Variants in SDK1 observed in about 807,000 individuals in gnomAD.
SDK1 encodes the protein protein sidekick-1.
SDK1 carries 157 observed loss-of-function variants against 245.5 expected under a neutral mutation model. That is an observed-to-expected ratio of 0.64 (90% CI 0.56 to 0.73). The LOEUF (loss-of-function observed/expected upper bound fraction) is 0.73, where lower values mean the gene tolerates loss of function less well. SDK1 is among the 30% of genes least tolerant of loss of function. SDK1 has a pLI of 0.00. For synonymous variants in SDK1, 1,647 were observed against 1,278.5 expected (o/e 1.29, Z -6.15); for missense variants, 3,583 against 3,002.3 (o/e 1.19, Z -4.52).
At chr7:3,593,833 T>C (rs1188029449) in intron 1 of SDK1, among the ~76,000 whole-genome samples, 1 of 145,348 alleles carries the variant, frequency 6.9e-6, no homozygotes, top group East Asian at 1.9e-4. Context: ...CGCAGCTCTT[T>C]TCTCTTTCTG....
At chr7:3,630,562 G>A (rs1782259855) in intron 2 of SDK1, among the ~76,000 whole-genome samples, 1 of 152,158 alleles carries the variant, frequency 6.6e-6, no homozygotes. Flanking sequence ...CTTGAACCCA[G>A]GAGGCAGAGA....
chr7:3,983,071 T>G (rs1783542371), intron 13 of SDK1, among the ~76,000 whole-genome samples: 1 of 152,118 alleles, frequency 6.6e-6, no homozygotes, highest in African/African-American at 2.4e-5. Flanking sequence ...CTTGTCCAGA[T>G]GAGGATTTGC....
At chr7:3,466,978 CT>C (rs1474144380) in intron 1 of SDK1, among the ~76,000 whole-genome samples, 1 of 98,122 alleles carries the variant, frequency 1.0e-5, no homozygotes, top group African/African-American at 4.7e-5. Context: ...CTCTCTCTCT[CT>C]ACACACACAC....
At chr7:3,997,075 C>G (rs1310999420) in intron 14 of SDK1, among the ~76,000 whole-genome samples, 1 of 152,130 alleles carries the variant, frequency 6.6e-6, no homozygotes, top group African/African-American at 2.4e-5. Context: ...TCTTCCTGGC[C>G]CTTTCTAGTC....
chr7:3,536,287 C>T (rs1310805369), intron 1 of SDK1, among the ~76,000 whole-genome samples: 4 of 151,928 alleles, frequency 2.6e-5, no homozygotes, highest in South Asian at 4.2e-4. Flanking sequence ...AGGATGGTCT[C>T]GATCTCCTGA....
Position 3,535,586 on chromosome 7 carries a change from G to A in SDK1, c.299-83494G>A, listed in dbSNP as rs78533553. Among the ~76,000 whole-genome samples the A allele has an allele frequency of 0.023, 3,574 of 152,150 alleles. 338 individuals carry two copies. In the East Asian group the frequency reaches 0.27, roughly 12 times the overall value. On this transcript the variant is annotated intron_variant, in intron 1 of 44. Coordinates refer to ENST00000404826, the MANE Select transcript of SDK1 (RefSeq NM_152744.4). ...GAAAGTTTTCTCAGCTGTAAAGCGC[G>A]GGCCTTCTATAACATGGTCCCTTAG...
intron 35 of SDK1, among the ~76,000 whole-genome samples, chr7:4,183,698 C>T (rs968633915): frequency 6.6e-6 from 1 of 152,208 alleles, no homozygotes; most frequent in South Asian, 2.1e-4. Flanking sequence ...CAGGCTTCTC[C>T]CATACTCCTA....
At chr7:4,123,014 C>T (rs959869289) in intron 25 of SDK1, among the ~76,000 whole-genome samples, 7 of 152,190 alleles carry the variant, frequency 4.6e-5, no homozygotes, top group Admixed American at 1.3e-4. Context: ...CGTTGGTGTC[C>T]GAATTGCTGC....
chr7:3,824,990 G>C (rs962802216), intron 5 of SDK1, among the ~76,000 whole-genome samples: 5 of 152,106 alleles, frequency 3.3e-5, no homozygotes, highest in Admixed American at 3.3e-4. Flanking sequence ...CCGCTGCCCT[G>C]GTGAGAGCTT....
chr7:3,664,573 C>T (rs2012490), intron 4 of SDK1, among the ~76,000 whole-genome samples: 1 of 151,900 alleles, frequency 6.6e-6, no homozygotes, highest in Non-Finnish European at 1.5e-5. Flanking sequence ...ACCATGTCTT[C>T]TACTAAAAAT....
intron 5 of SDK1, among the ~76,000 whole-genome samples, chr7:3,920,827 C>A (rs1277791949): frequency 6.6e-6 from 1 of 152,158 alleles, no homozygotes. Flanking sequence ...AGTGACTGCT[C>A]GGAGGTTATT....
chr7:4,194,211 T>G (rs774000195), intron 35 of SDK1, among the ~76,000 whole-genome samples: 23 of 151,374 alleles, frequency 1.5e-4, no homozygotes, highest in South Asian at 2.1e-4. Context: ...GAGAGAGATA[T>G]ATATATGTAT....
At chr7:3,900,285 C>T (rs1781742399) in intron 5 of SDK1, among the ~76,000 whole-genome samples, 1 of 152,196 alleles carries the variant, frequency 6.6e-6, no homozygotes, top group South Asian at 2.1e-4. Context: ...AAATATTTAA[C>T]ACGCGTAATT....
At chr7:4,043,626 C>T (rs999534878) in intron 17 of SDK1, among the ~76,000 whole-genome samples, 1 of 152,234 alleles carries the variant, frequency 6.6e-6, no homozygotes, top group Non-Finnish European at 1.5e-5. Flanking sequence ...CTCCAGGATG[C>T]AGGACCAGAA....
chr7:3,396,185 C>A (rs1003257962), intron 1 of SDK1, among the ~76,000 whole-genome samples: 1 of 151,598 alleles, frequency 6.6e-6, no homozygotes, highest in African/African-American at 2.4e-5. Context: ...CTTGCTCATT[C>A]CCCCTTGTAA....
chr7:4,177,241 A>G (rs1163727254), intron 34 of SDK1, among the ~76,000 whole-genome samples: 1 of 152,140 alleles, frequency 6.6e-6, no homozygotes, highest in Admixed American at 6.5e-5. Context: ...CAGGAGGCAC[A>G]ATTTGCAGGC....
intron 1 of SDK1, among the ~76,000 whole-genome samples, chr7:3,544,757 C>A (rs750786062): frequency 3.3e-5 from 5 of 152,180 alleles, no homozygotes; most frequent in Non-Finnish European, 2.9e-5. Context: ...ACAGCACTTA[C>A]CAACCAAGAA....
intron 5 of SDK1, among the ~76,000 whole-genome samples, chr7:3,925,854 C>A (rs1263936852): frequency 6.6e-6 from 1 of 152,204 alleles, no homozygotes; most frequent in Non-Finnish European, 1.5e-5. Context: ...TGGCACTCCC[C>A]CTTTTCCCAT....
chr7:3,787,867 T>C (rs1780954560), intron 4 of SDK1, among the ~76,000 whole-genome samples: 1 of 152,216 alleles, frequency 6.6e-6, no homozygotes, highest in Non-Finnish European at 1.5e-5. Flanking sequence ...ATTGGGGCCC[T>C]TCTACCTCAG....
Sources: allele counts gnomAD v4.1 joint callset (sites outside exome capture counted in the v4.1 genomes callset), GRCh38; gene constraint gnomAD v4.1.1; transcripts MANE v1.5; gene names NCBI Gene and HGNC (gene_info 2026-07-23, HGNC 2026-07-21).